The following CR1 variants were observed in gnomAD, a reference collection of about 807,000 sequenced individuals.
The protein encoded by CR1 is complement receptor type 1.
CR1 carries 116 observed loss-of-function variants against 187.3 expected under a neutral mutation model. That is an observed-to-expected ratio of 0.62 (90% confidence interval 0.53 to 0.72). The LOEUF (loss-of-function observed/expected upper bound fraction) is 0.72. Among genes scored for constraint, CR1 ranks in the 30% least tolerant of loss-of-function variants. CR1 has a pLI of 0.00. For missense variants in CR1, 1,731 were observed against 2,110.7 expected, an observed-to-expected ratio of 0.82 and a Z score of 3.52; for synonymous variants, 576 against 747.1, an observed-to-expected ratio of 0.77 and a Z score of 3.73.
In CR1 at chr1:207,584,718, C is replaced by G. The variant is rs776215792; in HGVS notation, c.5372C>G (p.Pro1791Arg). ...ACAGGAACTCCCTCTGGAGATATTCCCTATGGAAAAGAAATATCTTACACA... is the reference window on the plus strand; with the variant it reads ...ACAGGAACTCCCTCTGGAGATATTCGCTATGGAAAAGAAATATCTTACACA... ...RHTGTPSGDI[P>R]YGKEISYTCD... is the part of the protein sequence containing the mutation. Residue 1791 changes from proline to arginine, a missense_variant, in exon 33 of 47, where the codon CCC becomes CGC. Physicochemically the swap from Pro to Arg is moderately radical, Grantham distance 103. Coordinates refer to ENST00000367049, the MANE Select transcript of CR1 (RefSeq NM_000651.6). The G allele has an allele frequency of 2.2e-5, 36 of 1,613,618 alleles. No individual in the cohort carries two copies. The highest frequency in any genetic ancestry group is 2.0e-5 in the Non-Finnish European group (24 of 1,179,726).
chr1:207,513,458 C>T (rs1659683929), intron 4 of CR1, among the ~76,000 whole-genome samples: 2 of 152,188 alleles, frequency 1.3e-5, no homozygotes, highest in African/African-American at 4.8e-5. Context: ...GGTAAAAGGT[C>T]TGTCTTCTGA....
chr1:207,622,108 G>T, intron 44 of CR1, 112 bp downstream of exon 44: 1 of 738,932 alleles, frequency 1.4e-6, no homozygotes. Flanking sequence ...GGTGTAAAGA[G>T]ATCAAAATAT....
intron 1 of CR1, among the ~76,000 whole-genome samples, chr1:207,497,679 G>A (rs928791726): frequency 1.3e-5 from 2 of 152,120 alleles, no homozygotes; most frequent in African/African-American, 4.8e-5. Flanking sequence ...TGTTGTCAAC[G>A]CTTAGGAATT....
chr1:207,506,824 A>G lies in CR1; in HGVS notation c.401+11A>G. On this transcript the variant is annotated intron_variant, in intron 3 of 46. Transcript: ENST00000367049. ...TTCTTGTACTAAAGGGTGAGTTGGC[A>G]TCTCTTGAACCAACATCTCTTGGTT... The G allele has an allele frequency of 1.2e-6, 2 of 1,604,060 alleles. No homozygotes were observed. The highest frequency in any genetic ancestry group is 1.7e-6 in the Non-Finnish European group (2 of 1,171,474).
At chr1:207,573,194 G>A (rs1011146918) in intron 27 of CR1, among the ~76,000 whole-genome samples, 1 of 151,992 alleles carries the variant, frequency 6.6e-6, no homozygotes, top group African/African-American at 2.4e-5. Context: ...AGCACACGGT[G>A]GAGGCTCTGC....
intron 29 of CR1, among the ~76,000 whole-genome samples, chr1:207,578,416 A>G (rs1006129816): frequency 1.3e-5 from 2 of 152,334 alleles, no homozygotes; most frequent in African/African-American, 2.4e-5. Flanking sequence ...TAGCCAAGAA[A>G]AAAGCTATTT....
rs371101568 is a variant in CR1 at position 207,588,171 on chromosome 1, TTTTG to T, written c.5711-484_5711-481del. Among the ~76,000 whole-genome samples, 531 of 152,262 alleles carry T rather than the reference TTTTG, an allele frequency of 3.5e-3. 11 individuals carry two copies. Among genetic ancestry groups the T allele is most frequent in the Admixed American group, 0.017 (254 of 15,296 alleles). ...TTGTTTCTGCTGTTGCTGTTGTGTT[TTTTG>T]TTTGTTTGTTTGTTTGTTTCTGAGA... On this transcript the variant is annotated intron_variant, in intron 34 of 46. Transcript: ENST00000367049.
chr1:207,615,617 C>A (rs1199832622), intron 40 of CR1, among the ~76,000 whole-genome samples: 1 of 152,092 alleles, frequency 6.6e-6, no homozygotes, highest in Non-Finnish European at 1.5e-5. Flanking sequence ...ATTTTTTAAA[C>A]CTTGTTTTCC....
intron 46 of CR1, among the ~76,000 whole-genome samples, chr1:207,636,355 A>G (rs1439564799): frequency 6.6e-6 from 1 of 152,134 alleles, no homozygotes; most frequent in Non-Finnish European, 1.5e-5. Flanking sequence ...TAATTTGGAA[A>G]TGTCTAAAGT....
intron 35 of CR1, among the ~76,000 whole-genome samples, chr1:207,600,017 A>G (rs943523267): frequency 2.0e-5 from 3 of 152,236 alleles, no homozygotes; most frequent in African/African-American, 7.2e-5. Flanking sequence ...GTCAAGAGCC[A>G]GATAGCAAAA....
chr1:207,613,838 T>G (rs1662014706), intron 39 of CR1, among the ~76,000 whole-genome samples: 1 of 152,164 alleles, frequency 6.6e-6, no homozygotes, highest in African/African-American at 2.4e-5. Context: ...GTGCAAAGAC[T>G]CTTCCCCCCT....
chr1:207,636,393 G>A (rs1261001326), intron 46 of CR1, among the ~76,000 whole-genome samples: 1 of 152,020 alleles, frequency 6.6e-6, no homozygotes, highest in Non-Finnish European at 1.5e-5. Context: ...CCTGTAGATG[G>A]CATCTGACCA....
At chr1:207,565,987 T>C (rs1384763868) in intron 24 of CR1, 64 bp downstream of exon 24, 2 of 1,587,048 alleles carry the variant, frequency 1.3e-6, no homozygotes, top group African/African-American at 1.4e-5. Context: ...ATTTGTCCTA[T>C]GGCCTCCCTC....
chr1:207,563,749 T>A (rs1660396589), intron 21 of CR1, 115 bp from the exon 22 acceptor site: 2 of 588,830 alleles, frequency 3.4e-6, no homozygotes, highest in African/African-American at 1.3e-4. Context: ...ATAAGGCTGT[T>A]ATTCTAACTT....
At chr1:207,595,438 GA>G (rs1280060711) in intron 35 of CR1, among the ~76,000 whole-genome samples, 1 of 151,968 alleles carries the variant, frequency 6.6e-6, no homozygotes, top group African/African-American at 2.4e-5. Context: ...CTACATGGAA[GA>G]AAATTATGCC....
At chr1:207,597,097 CAT>C (rs1661469548) in intron 35 of CR1, among the ~76,000 whole-genome samples, 1 of 147,874 alleles carries the variant, frequency 6.8e-6, no homozygotes, top group Non-Finnish European at 1.5e-5. Context: ...TTAAATATAA[CAT>C]ATTTTATATT....
intron 35 of CR1, among the ~76,000 whole-genome samples, chr1:207,604,519 G>A (rs749725518): frequency 6.6e-6 from 1 of 152,150 alleles, no homozygotes; most frequent in Non-Finnish European, 1.5e-5. Context: ...CAGAGATCTA[G>A]CTTAGCTTTT....
In CR1 at chr1:207,586,073, A is replaced by G. The variant is rs566061746; in HGVS notation, c.5530+1197A>G. 2.8e-4 allele frequency among the ~76,000 whole-genome samples: 43 copies of G among 152,344 alleles called. 1 individual carries two copies. Among genetic ancestry groups the G allele is most frequent in the South Asian group, 2.7e-3 (13 of 4,828 alleles). ...TCAGAAAGAAGACATAGCTTCTTACAGAAGGCTGATGGCTTAGTCTGTTTT... is the reference window on the plus strand; with the variant it reads ...TCAGAAAGAAGACATAGCTTCTTACGGAAGGCTGATGGCTTAGTCTGTTTT... On this transcript the variant is annotated intron_variant, in intron 33 of 46. Transcript: ENST00000367049.
At chr1:207,582,652 C>T (rs1260681083) in intron 32 of CR1, among the ~76,000 whole-genome samples, 2 of 152,136 alleles carry the variant, frequency 1.3e-5, no homozygotes, top group Middle Eastern at 3.2e-3. Flanking sequence ...AAATGGGAGG[C>T]TGTTGCAGCA....
Sources: gnomAD v4.1 joint callset for allele counts (sites outside exome capture counted in the v4.1 genomes callset) on GRCh38, gnomAD v4.1.1 for gene constraint, MANE v1.5 for transcripts, NCBI Gene and HGNC (gene_info 2026-07-23, HGNC 2026-07-21) for gene names.